The following BLK variants were observed in gnomAD, a reference collection of about 807,000 sequenced individuals.
BLK encodes the protein BLK proto-oncogene, Src family tyrosine kinase.
Under a neutral mutation model 61.8 loss-of-function variants are expected in BLK, and 64 were observed. The observed-to-expected ratio is 1.03, with a 90% CI of 0.85 to 1.27. BLK has a LOEUF of 1.27. Ranked by LOEUF, BLK falls within the 50% of genes most tolerant of loss-of-function variation. BLK has a pLI of 0.00. For synonymous variants in BLK, 351 were observed against 272.0 expected, an observed-to-expected ratio of 1.29 and a Z score of -2.86; for missense variants, 853 against 660.5, an observed-to-expected ratio of 1.29 and a Z score of -3.19.
intron 6 of BLK, 114 bp downstream of exon 6, chr8:11,550,376 C>A: frequency 2.0e-6 from 2 of 1,002,556 alleles, no homozygotes; most frequent in Non-Finnish European, 3.1e-6. Context: ...GAACCAGCAG[C>A]TTCCGGGCTT....
At chr8:11,546,469 CCT>C (rs1270652527) in intron 3 of BLK, among the ~76,000 whole-genome samples, 1 of 152,190 alleles carries the variant, frequency 6.6e-6, no homozygotes, top group Non-Finnish European at 1.5e-5. Flanking sequence ...GCCTCCAGCC[CCT>C]GTCCGCTCTA....
At chr8:11,547,890 G>A (rs2117480304) in intron 3 of BLK, 142 bp from the exon 4 acceptor site, 1 of 758,372 alleles carries the variant, frequency 1.3e-6, no homozygotes, top group Non-Finnish European at 2.3e-6. Flanking sequence ...CAGGGCTGGG[G>A]GTGGGGGCCT....
chr8:11,517,882 T>G (rs947101163), intron 1 of BLK, among the ~76,000 whole-genome samples: 1 of 152,190 alleles, frequency 6.6e-6, no homozygotes, highest in East Asian at 1.9e-4. Context: ...TGAAATTGAC[T>G]TCTTGGAAAG....
chr8:11,543,317 A>G lies in BLK; in HGVS notation c.93A>G (p.Gln31=), dbSNP rs369109733. 1.0e-4 allele frequency: 169 copies of G among 1,613,170 alleles called. 1 individual carries two copies. The highest frequency in any genetic ancestry group is 8.3e-5 in the Admixed American group (5 of 59,998). ...GGAGCCCCCTGAAGGTCAGCGCCCA[A>G]GACAAGGACGCCCCGCCACTGCCGC... The part of the protein sequence containing the change: ...GQWSPLKVSA[Q]DKDAPPLPPL... The change falls in exon 2 of 13, where the codon CAA becomes CAG. Residue 31 remains glutamine, a synonymous_variant. Transcript: ENST00000259089.
chr8:11,495,212 G>T (rs1798320050), intron 1 of BLK, among the ~76,000 whole-genome samples: 1 of 152,204 alleles, frequency 6.6e-6, no homozygotes, highest in Admixed American at 6.5e-5. Flanking sequence ...TGTGTAAATT[G>T]TAAGGTTTTG....
intron 1 of BLK, among the ~76,000 whole-genome samples, chr8:11,535,926 C>T (rs934698193): frequency 5.3e-5 from 8 of 152,192 alleles, no homozygotes; most frequent in East Asian, 1.9e-4. Flanking sequence ...ATAGGACTGG[C>T]CTTTACAAAT....
chr8:11,552,100 G>C (rs1371342245), intron 6 of BLK, among the ~76,000 whole-genome samples: 1 of 152,240 alleles, frequency 6.6e-6, no homozygotes, highest in Non-Finnish European at 1.5e-5. Flanking sequence ...CTGGTTCCCT[G>C]TGGTTGGGGC....
chr8:11,503,623 C>A (rs1243654118), intron 1 of BLK, among the ~76,000 whole-genome samples: 1 of 152,186 alleles, frequency 6.6e-6, no homozygotes, highest in Non-Finnish European at 1.5e-5. Flanking sequence ...GATCTGTGTG[C>A]TGTCTGAAGT....
At chr8:11,527,566 G>A (rs955563687) in intron 1 of BLK, among the ~76,000 whole-genome samples, 2 of 151,810 alleles carry the variant, frequency 1.3e-5, no homozygotes, top group African/African-American at 4.8e-5. Flanking sequence ...TCTCCCCAAA[G>A]GTGTGAAGGT....
At chr8:11,561,158 G>A (rs1232490752) in intron 10 of BLK, 144 bp from the exon 11 acceptor site, 2 of 1,205,736 alleles carry the variant, frequency 1.7e-6, no homozygotes, top group Non-Finnish European at 2.4e-6. Context: ...TTCGGCTGAG[G>A]AGCAACACAG....
intron 3 of BLK, 83 bp downstream of exon 3, chr8:11,546,186 T>G (rs1159612393): frequency 6.6e-7 from 1 of 1,520,928 alleles, no homozygotes; most frequent in Non-Finnish European, 9.1e-7. Flanking sequence ...AAAGGTTGAG[T>G]CAGGAGCAGC....
chr8:11,540,417 G>T (rs188208341), intron 1 of BLK, among the ~76,000 whole-genome samples: 5 of 151,834 alleles, frequency 3.3e-5, no homozygotes, highest in Admixed American at 3.3e-4. Context: ...AATTTCATGC[G>T]GTTTTGATTA....
At chr8:11,547,423 G>A (rs1486884224) in intron 3 of BLK, among the ~76,000 whole-genome samples, 1 of 152,176 alleles carries the variant, frequency 6.6e-6, no homozygotes, top group Non-Finnish European at 1.5e-5. Flanking sequence ...TCACAGCAGG[G>A]CTCACTTGAA....
At chr8:11,502,570 G>A (rs1462915077) in intron 1 of BLK, among the ~76,000 whole-genome samples, 6 of 152,182 alleles carry the variant, frequency 3.9e-5, no homozygotes, top group Non-Finnish European at 8.8e-5. Flanking sequence ...TTACAGACAT[G>A]AGCCACCACG....
intron 1 of BLK, among the ~76,000 whole-genome samples, chr8:11,513,223 T>C (rs1345958367): frequency 1.3e-5 from 2 of 152,154 alleles, no homozygotes; most frequent in African/African-American, 4.8e-5. Context: ...CGCAGTTGGC[T>C]GATGAACTAG....
At position 11,555,339 on chromosome 8, in the gene BLK, G is replaced by A; in HGVS notation, c.627G>A (p.Gly209=). 1.9e-6 allele frequency: 3 copies of A among 1,614,098 alleles called. No individual in the cohort carries two copies. Among genetic ancestry groups the A allele is most frequent in the East Asian group, 2.2e-5 (1 of 44,874 alleles). The change falls in exon 8 of 13, where the codon GGG becomes GGA. Residue 209 remains glycine (G), a synonymous_variant. Transcript: ENST00000259089. Reference sequence around the variant, plus strand: ...TTTTCTTCCCTAATGCAGAGAAGGGGGATGGTCTATGCCAGAGGCTGACCC... The same window carrying A: ...TTTTCTTCCCTAATGCAGAGAAGGGAGATGGTCTATGCCAGAGGCTGACCC... The part of the protein sequence containing the change: ...QALVQHYSKK[G]DGLCQRLTLP...
intron 3 of BLK, 125 bp from the exon 4 acceptor site, chr8:11,547,907 G>T: frequency 5.8e-6 from 5 of 858,050 alleles, no homozygotes; most frequent in Non-Finnish European, 9.7e-6. Context: ...GCCTGTGCTG[G>T]GTGAGAACAT....
chr8:11,518,756 C>A lies in BLK; in HGVS notation c.-2+24165C>A, dbSNP rs913249489. ...GAAAGAAATCCCAACCCTTCCCCAGCTGGTCTCTGGGCCCTGCCCTCCTCT... is the reference window on the plus strand; with the variant it reads ...GAAAGAAATCCCAACCCTTCCCCAGATGGTCTCTGGGCCCTGCCCTCCTCT... On this transcript the variant is annotated intron_variant, in intron 1 of 12. Transcript: ENST00000259089. Among the ~76,000 whole-genome samples, 10 of 152,268 alleles carry A rather than the reference C, an allele frequency of 6.6e-5. No individual in the cohort carries two copies. In the East Asian group the frequency reaches 1.7e-3, roughly 26 times the overall value.
intron 11 of BLK, among the ~76,000 whole-genome samples, 176 bp from the exon 12 acceptor site, chr8:11,562,803 T>C (rs1317095087): frequency 6.6e-6 from 1 of 152,238 alleles, no homozygotes; most frequent in Non-Finnish European, 1.5e-5. Context: ...TGCACTCACC[T>C]GGTCATGTGT....
Sources: allele counts gnomAD v4.1 joint callset (sites outside exome capture counted in the v4.1 genomes callset), GRCh38; gene constraint gnomAD v4.1.1; transcripts MANE v1.5; gene names NCBI Gene and HGNC (gene_info 2026-07-23, HGNC 2026-07-21).